The following EFCAB6 variants were observed in gnomAD, a reference collection of about 807,000 sequenced individuals.
EFCAB6 encodes EF-hand calcium binding domain 6.
EFCAB6 carries 156 observed loss-of-function variants against 169.8 expected under a neutral mutation model. The observed-to-expected ratio is 0.92, with a 90% CI of 0.81 to 1.05. The LOEUF is 1.05. EFCAB6 is among the 50% of genes least tolerant of loss of function. The pLI, the probability that EFCAB6 is intolerant of heterozygous loss-of-function variation, is 0.00. For missense variants in EFCAB6, 1,800 were observed against 1,829.1 expected (o/e 0.98, Z 0.29); for synonymous variants, 698 against 676.4 (o/e 1.03, Z -0.50).
intron 8 of EFCAB6, among the ~76,000 whole-genome samples, chr22:43,717,676 GAAT>G (rs1351080067): frequency 2.6e-5 from 4 of 152,058 alleles, no homozygotes; most frequent in Non-Finnish European, 1.5e-5. Flanking sequence ...GGAGTAAAGG[GAAT>G]AATAAGAACC....
rs1006260477 is a variant in EFCAB6, at chr22:43,537,775, T to C, written c.3880-230A>G. ...ATAATAACCAAAATAATTTTGGAAATAGCCATGTAGCCAAGGTTCAAATCT... is the reference window on the plus strand; with the variant it reads ...ATAATAACCAAAATAATTTTGGAAACAGCCATGTAGCCAAGGTTCAAATCT... On this transcript the variant is annotated intron_variant, in intron 28 of 31. Transcript: ENST00000262726. The surrounding 1 kb of genome is among the most constrained non-coding windows in gnomAD (Gnocchi z 4.3). Among the ~76,000 whole-genome samples the C allele has an allele frequency of 2.0e-5, 3 of 152,136 alleles. No individual in the cohort carries two copies. Among genetic ancestry groups the C allele is most frequent in the Non-Finnish European group, 4.4e-5 (3 of 68,024 alleles).
In EFCAB6 at chr22:43,626,544, CAAG is replaced by C. The variant is rs1444762073; in HGVS notation, c.2365_2367del (p.Leu789del). The C allele has an allele frequency of 6.2e-7, 1 of 1,614,102 alleles. No homozygotes were observed. The highest frequency in any genetic ancestry group is 1.7e-5 in the Admixed American group (1 of 60,026). ...TTTAAAGTGACACTAAGTCTCAAGC[CAAG>C]AAGGCCAAGGAAGCGCTCAAACTCG... On this transcript the variant is annotated inframe_deletion, in exon 20 of 32. Transcript: ENST00000262726.
chr22:43,723,785 A>G (rs2147516536), intron 8 of EFCAB6, among the ~76,000 whole-genome samples: 1 of 152,274 alleles, frequency 6.6e-6, no homozygotes, highest in East Asian at 1.9e-4. Context: ...TACAGCTTGT[A>G]CTTTTCAGAG....
At position 43,591,149 on chromosome 22, in the gene EFCAB6, G is replaced by A. The variant is rs190626248; in HGVS notation, c.2877-920C>T. Among the ~76,000 whole-genome samples the A allele has an allele frequency of 4.8e-4, 70 of 146,226 alleles. No homozygotes were observed. In the East Asian group the frequency reaches 0.013, roughly 28 times the overall value. On this transcript the variant is annotated intron_variant, in intron 23 of 31. Coordinates refer to ENST00000262726, the MANE Select transcript of EFCAB6 (RefSeq NM_022785.4). The stretch of plus-strand genomic sequence containing the variant: ...GTTTTTTTTTTGTTTTTTTTACCAG[G>A]CTTTTTATTGTTAAGAAACAGCCAC...
chr22:43,784,541 GTGTA>G lies in EFCAB6; in HGVS notation c.-7-2220_-7-2217del, dbSNP rs1556409936. 1.2e-3 allele frequency among the ~76,000 whole-genome samples: 92 copies of G among 79,718 alleles called. 2 individuals carry two copies. In the East Asian group the frequency reaches 0.014, roughly 12 times the overall value. The allele number at this position is 79,718 out of a possible 152,430, so 52.3% of individuals were successfully genotyped here. On this transcript the variant is annotated intron_variant, in intron 2 of 31. Transcript: ENST00000262726. Reference sequence around the variant, plus strand: ...TGTGTGTGTGTGTGTGTGTGTGTGTGTGTATATGTATATATACACATATATATGT... The same window carrying G: ...TGTGTGTGTGTGTGTGTGTGTGTGTGTATGTATATATACACATATATATGT...
chr22:43,738,837 G>T (rs896285602), intron 6 of EFCAB6, among the ~76,000 whole-genome samples: 1 of 152,126 alleles, frequency 6.6e-6, no homozygotes. Flanking sequence ...ACACCCACTT[G>T]CAGCTGGCCT....
chr22:43,740,434 T>C (rs1211660551), intron 6 of EFCAB6, among the ~76,000 whole-genome samples: 1 of 152,196 alleles, frequency 6.6e-6, no homozygotes, highest in African/African-American at 2.4e-5. Context: ...AGAAGCCTCG[T>C]GTTATGTCTG....
At chr22:43,601,761 C>T (rs1390674956) in intron 22 of EFCAB6, among the ~76,000 whole-genome samples, 2 of 152,224 alleles carry the variant, frequency 1.3e-5, no homozygotes, top group African/African-American at 2.4e-5. Context: ...TTGCTTCACG[C>T]ACTTGTGCTA....
intron 6 of EFCAB6, among the ~76,000 whole-genome samples, chr22:43,745,817 C>A (rs1471184326): frequency 6.6e-6 from 1 of 151,920 alleles, no homozygotes. Flanking sequence ...ATTATCAACC[C>A]AGAAGAAAGG....
intron 6 of EFCAB6, among the ~76,000 whole-genome samples, chr22:43,742,816 C>T (rs1002626847): frequency 6.6e-6 from 1 of 152,240 alleles, no homozygotes; most frequent in Non-Finnish European, 1.5e-5. Flanking sequence ...CACTGCAGAG[C>T]CTGGGAGCAG....
In EFCAB6 at chr22:43,603,307, T is replaced by C. The variant is rs1304634428; in HGVS notation, c.2682-3044A>G. Among the ~76,000 whole-genome samples the C allele has an allele frequency of 4.6e-5, 7 of 152,382 alleles. No homozygotes were observed. The South Asian group carries it at 1.0e-3, about 23-fold the overall frequency. On this transcript the variant is annotated intron_variant, in intron 22 of 31. Coordinates refer to ENST00000262726, the MANE Select transcript of EFCAB6 (RefSeq NM_022785.4). ...AATAAGAGAGCTAATTCAGCTTACA[T>C]AACCTCACCCTTCATTGTATAACCC...
intron 11 of EFCAB6, among the ~76,000 whole-genome samples, chr22:43,685,132 C>T (rs1220077775): frequency 6.6e-6 from 1 of 152,214 alleles, no homozygotes; most frequent in Non-Finnish European, 1.5e-5. Context: ...GGTGGAACTA[C>T]AACCTTGCTA....
chr22:43,802,048 A>G (rs1488336811), intron 2 of EFCAB6, among the ~76,000 whole-genome samples: 2 of 152,202 alleles, frequency 1.3e-5, no homozygotes, highest in Non-Finnish European at 2.9e-5. Flanking sequence ...GAAAACCAAA[A>G]TAAGAGCAGG....
At chr22:43,534,995 A>G in intron 29 of EFCAB6, 123 bp from the exon 30 acceptor site, 1 of 1,003,572 alleles carries the variant, frequency 1.0e-6, no homozygotes, top group Admixed American at 2.5e-5. Flanking sequence ...CCTCACATCA[A>G]AGAACTCACG....
intron 27 of EFCAB6, among the ~76,000 whole-genome samples, chr22:43,543,701 G>T (rs550060234): frequency 1.1e-4 from 16 of 152,252 alleles, no homozygotes; most frequent in African/African-American, 3.9e-4. Context: ...GGCTGGATGG[G>T]GCCGGAGCAG....
chr22:43,555,207 G>T, intron 26 of EFCAB6, 111 bp from the exon 27 acceptor site: 1 of 1,105,736 alleles, frequency 9.0e-7, no homozygotes, highest in Non-Finnish European at 1.3e-6. Flanking sequence ...GTGGGGAGGA[G>T]AGGCCAGAAG....
intron 27 of EFCAB6, among the ~76,000 whole-genome samples, chr22:43,551,435 T>A (rs182476191): frequency 6.6e-6 from 1 of 152,362 alleles, no homozygotes; most frequent in Admixed American, 6.5e-5. Context: ...GAACCTAATA[T>A]TCGTGCCAGA....
chr22:43,793,732 A>C, intron 2 of EFCAB6, among the ~76,000 whole-genome samples: 1 of 114,208 alleles, frequency 8.8e-6, no homozygotes, highest in Non-Finnish European at 1.9e-5. Flanking sequence ...ATCTGGCTAG[A>C]GTGGGTGAGA....
rs538148293 is a variant in EFCAB6, at chr22:43,540,443, C to T, written c.3649-86G>A. On this transcript the variant is annotated intron_variant, in intron 27 of 31. Coordinates refer to ENST00000262726, the MANE Select transcript of EFCAB6 (RefSeq NM_022785.4). ...TGTGCCAGCGAGAAGTGGGACAGGC[C>T]GGCCTCGCAGGAGGTGAGCACTCAC... 60 of 1,593,702 alleles carry T rather than the reference C, an allele frequency of 3.8e-5. No homozygotes were observed. In the East Asian group the frequency reaches 5.2e-4, roughly 14 times the overall value.
Sources: gnomAD v4.1 joint callset for allele counts (sites outside exome capture counted in the v4.1 genomes callset) on GRCh38, gnomAD v4.1.1 for gene constraint, Gnocchi (gnomAD v3.1) non-coding constraint, MANE v1.5 for transcripts, NCBI Gene and HGNC (gene_info 2026-07-23, HGNC 2026-07-21) for gene names.